Variants in SEC11A observed in about 807,000 individuals in gnomAD.
SEC11A encodes signal peptidase complex catalytic subunit SEC11A.
A neutral mutation model predicts 25.6 loss-of-function variants in SEC11A; 14 were observed. The ratio of observed to expected loss-of-function variants is 0.55; its 90% CI spans 0.36 to 0.85. The LOEUF (loss-of-function observed/expected upper bound fraction) is 0.85, where lower values mean the gene tolerates loss of function less well. Among genes scored for constraint, SEC11A ranks in the 40% least tolerant of loss-of-function variants. The pLI is 0.01. For missense variants in SEC11A, 153 were observed against 222.9 expected (o/e 0.69, Z 2.00); for synonymous variants, 83 against 76.4 (o/e 1.09, Z -0.45).
At position 84,670,027 on chromosome 15, in the gene SEC11A, G is replaced by A; in HGVS notation, c.532C>T (p.Arg178Cys). 1.9e-6 allele frequency: 3 copies of A among 1,613,428 alleles called. No homozygotes were observed. Among genetic ancestry groups the A allele is most frequent in the Non-Finnish European group, 2.5e-6 (3 of 1,179,628 alleles). Reference sequence around the variant, plus strand: ...ACAGCAAGGCAGGCTTCTTACTCACGATGAACCAGCACGAATAAACCCAGC... The same window carrying A: ...ACAGCAAGGCAGGCTTCTTACTCACAATGAACCAGCACGAATAAACCCAGC... ...FLLGLFVLVH[R>C]E The change falls in exon 6 of 6, where the codon CGT becomes TGT. Residue 178 changes from arginine (R) to cysteine (C), a missense_variant. Arg to Cys is a radical substitution (Grantham distance 180). Coordinates refer to ENST00000268220, the MANE Select transcript of SEC11A (RefSeq NM_014300.4).
intron 3 of SEC11A, among the ~76,000 whole-genome samples, chr15:84,683,692 T>C (rs1897338402): frequency 6.6e-6 from 1 of 152,130 alleles, no homozygotes; most frequent in Admixed American, 6.6e-5. Context: ...GCCCAGTTAA[T>C]TTTTGTATTA....
intron 1 of SEC11A, chr15:84,692,024 C>CCT (rs558019281): frequency 3.1e-5 from 4 of 127,338 alleles, no homozygotes; most frequent in Non-Finnish European, 4.8e-5. Context: ...TTTTCTTTTT[C>CCT]TTTTTTTTTT....
chr15:84,670,215 T>C (rs1053076281), intron 5 of SEC11A, 146 bp from the exon 6 acceptor site: 3 of 632,668 alleles, frequency 4.7e-6, no homozygotes, highest in Non-Finnish European at 5.1e-6. Flanking sequence ...CATTTAAAAG[T>C]TTCCAATACT....
intron 4 of SEC11A, chr15:84,679,087 T>C (rs946155679): frequency 3.6e-6 from 1 of 274,206 alleles, no homozygotes; most frequent in South Asian, 3.5e-5. Flanking sequence ...TAAATATTTA[T>C]GGAGATCAAG....
At chr15:84,712,440 CT>C (rs943688570) in intron 1 of SEC11A, among the ~76,000 whole-genome samples, 3 of 128,304 alleles carry the variant, frequency 2.3e-5, no homozygotes, top group Admixed American at 8.1e-5. Context: ...ATACTCTTTT[CT>C]TTTTTTTCTT....
chr15:84,693,461 TTC>T (rs749127892), intron 1 of SEC11A, among the ~76,000 whole-genome samples: 402 of 4,062 alleles, frequency 0.099, 2 homozygotes, highest in African/African-American at 0.22. Flanking sequence ...TTTTTTTCTC[TTC>T]TTTTTTTTTT....
intron 1 of SEC11A, among the ~76,000 whole-genome samples, chr15:84,694,909 G>A (rs1415962176): frequency 2.6e-5 from 4 of 151,458 alleles, no homozygotes; most frequent in Non-Finnish European, 4.4e-5. Context: ...GGCCAACATG[G>A]TGAAACCCCA....
chr15:84,696,237 G>A (rs1897764473), intron 1 of SEC11A, among the ~76,000 whole-genome samples: 1 of 152,146 alleles, frequency 6.6e-6, no homozygotes, highest in East Asian at 1.9e-4. Flanking sequence ...CTACTGGCTG[G>A]CAGAGTAGCA....
chr15:84,670,077 A>G lies in SEC11A; in HGVS notation c.490-8T>C. ...CAAAAAGAGAACTGCATACTAGAAA[A>G]TAAACACAGAACCACAAGTCAGAGA... On this transcript the variant is annotated splice_polypyrimidine_tract_variant and splice_region_variant and intron_variant, in intron 5 of 5. Coordinates refer to ENST00000268220, the MANE Select transcript of SEC11A (RefSeq NM_014300.4). The G allele has an allele frequency of 6.2e-7, 1 of 1,612,308 alleles. No individual in the cohort carries two copies. The highest frequency in any genetic ancestry group is 1.1e-5 in the South Asian group (1 of 90,562).
At chr15:84,689,041 A>AG (rs1897517937) in intron 2 of SEC11A, among the ~76,000 whole-genome samples, 1 of 151,832 alleles carries the variant, frequency 6.6e-6, no homozygotes, top group East Asian at 1.9e-4. Flanking sequence ...AAAAAAAAAA[A>AG]AAAAGAAGAA....
chr15:84,715,823 G>A (rs1461767751), intron 1 of SEC11A, among the ~76,000 whole-genome samples: 1 of 152,162 alleles, frequency 6.6e-6, no homozygotes, highest in Non-Finnish European at 1.5e-5. Context: ...CCCCGCCCCC[G>A]GTAGGCCCTG....
At chr15:84,677,868 G>C (rs1225245014) in intron 4 of SEC11A, among the ~76,000 whole-genome samples, 1 of 152,132 alleles carries the variant, frequency 6.6e-6, no homozygotes, top group Non-Finnish European at 1.5e-5. Context: ...CAATGGGCCA[G>C]AGTGAGCAGA....
chr15:84,692,388 A>T (rs535594238), intron 1 of SEC11A, among the ~76,000 whole-genome samples: 1 of 152,236 alleles, frequency 6.6e-6, no homozygotes, highest in South Asian at 2.1e-4. Flanking sequence ...AGTTAATGAC[A>T]TTTAACTCTA....
At chr15:84,696,088 A>G (rs187616177) in intron 1 of SEC11A, among the ~76,000 whole-genome samples, 20 of 152,314 alleles carry the variant, frequency 1.3e-4, no homozygotes, top group Non-Finnish European at 2.6e-4. Flanking sequence ...TCGCCGAGAC[A>G]ATTAGAAATA....
chr15:84,691,035 A>G (rs1897589209), intron 2 of SEC11A, among the ~76,000 whole-genome samples: 1 of 151,850 alleles, frequency 6.6e-6, no homozygotes, highest in Non-Finnish European at 1.5e-5. Context: ...TGGAGTTCTG[A>G]ATGGAAATGC....
chr15:84,679,761 T>C (rs560602058), intron 4 of SEC11A, among the ~76,000 whole-genome samples: 49 of 152,314 alleles, frequency 3.2e-4, no homozygotes, highest in African/African-American at 1.1e-3. Flanking sequence ...TCCTCATCTG[T>C]AGAATGGGAA....
chr15:84,675,555 A>G (rs1310450213), intron 4 of SEC11A, among the ~76,000 whole-genome samples: 1 of 152,244 alleles, frequency 6.6e-6, no homozygotes, highest in Non-Finnish European at 1.5e-5. Context: ...TGTTTCAAGT[A>G]AGAAGTACAT....
At chr15:84,674,326 A>G (rs775011982) in intron 4 of SEC11A, among the ~76,000 whole-genome samples, 9 of 152,084 alleles carry the variant, frequency 5.9e-5, no homozygotes, top group Non-Finnish European at 1.2e-4. Flanking sequence ...CACCTAATTT[A>G]AGAACATAAA....
chr15:84,711,843 G>C (rs1485359483), intron 1 of SEC11A, among the ~76,000 whole-genome samples: 2 of 148,708 alleles, frequency 1.3e-5, no homozygotes, highest in Non-Finnish European at 3.0e-5. Context: ...AAATAAAATA[G>C]TATATGACTA....
Sources: gnomAD v4.1 joint callset for allele counts (sites outside exome capture counted in the v4.1 genomes callset) on GRCh38, gnomAD v4.1.1 for gene constraint, MANE v1.5 for transcripts, NCBI Gene and HGNC (gene_info 2026-07-23, HGNC 2026-07-21) for gene names.